SORCS3: variants seen among roughly 807,000 people sequenced by gnomAD.
SORCS3 encodes sortilin related VPS10 domain containing receptor 3.
In SORCS3, 57 loss-of-function variants were observed where a neutral mutation model predicts 146.3. The ratio of observed to expected loss-of-function variants is 0.39; its 90% CI spans 0.31 to 0.49. The LOEUF is 0.49. SORCS3 is among the 20% of genes least tolerant of loss of function. SORCS3 has a pLI of 0.92. For missense variants in SORCS3, 1,341 were observed against 1,575.5 expected, an observed-to-expected ratio of 0.85 and a Z score of 2.52; for synonymous variants, 653 against 618.5, an observed-to-expected ratio of 1.06 and a Z score of -0.83.
intron 2 of SORCS3, among the ~76,000 whole-genome samples, chr10:104,857,410 T>G (rs1214230349): frequency 2.6e-5 from 4 of 152,180 alleles, no homozygotes; most frequent in African/African-American, 9.7e-5. Flanking sequence ...GGAGAAATTG[T>G]AAGCAAGGAG....
chr10:105,077,916 G>A (rs2055599219), intron 5 of SORCS3, among the ~76,000 whole-genome samples: 3 of 152,166 alleles, frequency 2.0e-5, no homozygotes, highest in African/African-American at 7.2e-5. Flanking sequence ...GTTGACAGAG[G>A]CAGGGGGAAT....
intron 14 of SORCS3, among the ~76,000 whole-genome samples, chr10:105,197,406 T>C (rs2056549837): frequency 6.6e-6 from 1 of 152,194 alleles, no homozygotes; most frequent in Non-Finnish European, 1.5e-5. Flanking sequence ...AGCAGATTCA[T>C]ACTTCACCAC....
intron 5 of SORCS3, among the ~76,000 whole-genome samples, chr10:105,082,794 G>A (rs148313889): frequency 0.031 from 4,725 of 152,182 alleles, 123 homozygotes; most frequent in Non-Finnish European, 0.045. Context: ...GCAATGGTGC[G>A]ATCTTGGCTC....
intron 2 of SORCS3, among the ~76,000 whole-genome samples, chr10:104,863,795 A>C (rs2018431450): frequency 6.6e-6 from 1 of 152,150 alleles, no homozygotes; most frequent in South Asian, 2.1e-4. Flanking sequence ...AGCATATCTT[A>C]CATCACAGCT....
rs765900928 is a variant in SORCS3, at chr10:105,256,844, G to T, written c.3363G>T (p.Gly1121=). The T allele has an allele frequency of 6.2e-7, 1 of 1,613,958 alleles. No homozygotes were observed. The highest frequency in any genetic ancestry group is 1.3e-5 in the African/African-American group (1 of 74,912). ...CTCCATTGGTGGACTCCAGTGCTGG[G>T]CACAGCAGCTCAGCCATGCTTATGC... ...TLAPLVDSSA[G]HSSSAMLMLL... The change falls in exon 25 of 27, where the codon GGG becomes GGT. Residue 1121 remains glycine, a synonymous_variant. Coordinates refer to ENST00000369701, the MANE Select transcript of SORCS3 (RefSeq NM_014978.3).
intron 1 of SORCS3, among the ~76,000 whole-genome samples, chr10:104,657,949 T>A (rs1044951181): frequency 7.2e-5 from 11 of 152,254 alleles, no homozygotes; most frequent in African/African-American, 2.7e-4. Context: ...TGGTAGGAGT[T>A]GTGCTAAAGT....
intron 3 of SORCS3, among the ~76,000 whole-genome samples, chr10:104,928,411 A>G (rs11593996): frequency 0.28 from 43,060 of 152,086 alleles, 8,005 homozygotes; most frequent in African/African-American, 0.53. Context: ...GGAAGGCAGG[A>G]TGATGTGTTC....
chr10:105,238,152 T>A (rs2056803777), intron 20 of SORCS3, among the ~76,000 whole-genome samples: 1 of 152,206 alleles, frequency 6.6e-6, no homozygotes, highest in African/African-American at 2.4e-5. Context: ...AACTGTAGGC[T>A]CATGTGCCTA....
chr10:104,748,738 A>G (rs898522047), intron 1 of SORCS3, among the ~76,000 whole-genome samples: 1 of 152,224 alleles, frequency 6.6e-6, no homozygotes, highest in Non-Finnish European at 1.5e-5. Flanking sequence ...CTGTAATCCC[A>G]GCTACTTGGG....
chr10:104,712,123 C>T (rs921707344), intron 1 of SORCS3, among the ~76,000 whole-genome samples: 1 of 152,122 alleles, frequency 6.6e-6, no homozygotes, highest in Non-Finnish European at 1.5e-5. Flanking sequence ...TAATTTGGCT[C>T]ATTCTTCCCA....
chr10:104,663,395 T>C (rs896780147), intron 1 of SORCS3, among the ~76,000 whole-genome samples: 2 of 152,202 alleles, frequency 1.3e-5, no homozygotes, highest in African/African-American at 4.8e-5. Flanking sequence ...ATTTACTCCT[T>C]TTCTTGTACT....
intron 6 of SORCS3, among the ~76,000 whole-genome samples, chr10:105,099,244 T>C (rs1048631882): frequency 5.3e-5 from 8 of 152,184 alleles, no homozygotes; most frequent in Non-Finnish European, 1.0e-4. Flanking sequence ...TAATGTTACA[T>C]AAAATAAACA....
At chr10:104,845,648 G>A (rs545201858) in intron 2 of SORCS3, among the ~76,000 whole-genome samples, 7 of 152,266 alleles carry the variant, frequency 4.6e-5, no homozygotes, top group African/African-American at 1.7e-4. Flanking sequence ...CTAGGAATTA[G>A]CAGAGATCTT....
chr10:105,081,744 T>C (rs532766606), intron 5 of SORCS3, among the ~76,000 whole-genome samples: 1 of 152,298 alleles, frequency 6.6e-6, no homozygotes, highest in East Asian at 1.9e-4. Context: ...TTCCTTTTGT[T>C]CCCTGCATCC....
chr10:104,955,740 A>G (rs767237294), intron 3 of SORCS3, among the ~76,000 whole-genome samples: 8 of 152,174 alleles, frequency 5.3e-5, no homozygotes, highest in Non-Finnish European at 8.8e-5. Flanking sequence ...CCTTCGTCCA[A>G]GACTCCTGCA....
chr10:104,718,390 T>C (rs1270523284), intron 1 of SORCS3, among the ~76,000 whole-genome samples: 1 of 152,140 alleles, frequency 6.6e-6, no homozygotes, highest in Non-Finnish European at 1.5e-5. Context: ...CATAATGACA[T>C]TCATCCATTC....
At chr10:104,684,742 G>T (rs1205335996) in intron 1 of SORCS3, among the ~76,000 whole-genome samples, 1 of 138,406 alleles carries the variant, frequency 7.2e-6, no homozygotes, top group Non-Finnish European at 1.5e-5. Flanking sequence ...TAAATATAAA[G>T]AACATAATGT....
intron 2 of SORCS3, among the ~76,000 whole-genome samples, chr10:104,851,486 A>C (rs2018273459): frequency 6.6e-6 from 1 of 152,214 alleles, no homozygotes; most frequent in African/African-American, 2.4e-5. Flanking sequence ...TCAGCAGTCA[A>C]TTCATTAGCC....
At chr10:105,065,405 C>CAA (rs10659911) in intron 5 of SORCS3, among the ~76,000 whole-genome samples, 5,551 of 149,238 alleles carry the variant, frequency 0.037, 330 homozygotes, top group African/African-American at 0.13. Context: ...ATTGCATTTA[C>CAA]AAAAAAAAAA....
Sources: gnomAD v4.1 joint callset for allele counts (sites outside exome capture counted in the v4.1 genomes callset) on GRCh38, gnomAD v4.1.1 for gene constraint, MANE v1.5 for transcripts, NCBI Gene and HGNC (gene_info 2026-07-23, HGNC 2026-07-21) for gene names.